Variants in C8orf34 observed in about 807,000 individuals in gnomAD.
C8orf34 encodes uncharacterized protein C8orf34.
C8orf34 carries 65 observed loss-of-function variants against 68.3 expected under a neutral mutation model. The observed-to-expected ratio is 0.95, with a 90% CI of 0.78 to 1.17. C8orf34 has a LOEUF of 1.17. Ranked by LOEUF, C8orf34 falls within the 50% of genes most tolerant of loss-of-function variation. C8orf34 has a pLI of 0.00. For missense variants in C8orf34, 664 were observed against 655.4 expected, an observed-to-expected ratio of 1.01 and a Z score of -0.14; for synonymous variants, 244 against 241.2, an observed-to-expected ratio of 1.01 and a Z score of -0.11.
At chr8:68,374,835 A>C (rs1807723700) in intron 1 of C8orf34, among the ~76,000 whole-genome samples, 1 of 152,222 alleles carries the variant, frequency 6.6e-6, no homozygotes, top group Non-Finnish European at 1.5e-5. Flanking sequence ...TTTTTATTAG[A>C]AGTGTAACAT....
At chr8:68,811,970 G>A (rs183210507) in intron 12 of C8orf34, among the ~76,000 whole-genome samples, 1 of 152,228 alleles carries the variant, frequency 6.6e-6, no homozygotes, top group African/African-American at 2.4e-5. Flanking sequence ...ATCCTTTCAG[G>A]GTGGGAGGGA....
intron 1 of C8orf34, among the ~76,000 whole-genome samples, chr8:68,378,361 T>C (rs1034459928): frequency 6.6e-6 from 1 of 152,098 alleles, no homozygotes; most frequent in Non-Finnish European, 1.5e-5. Context: ...TCACTCCAGA[T>C]TGGAGTGGAG....
At chr8:68,377,392 G>A (rs1807848523) in intron 1 of C8orf34, among the ~76,000 whole-genome samples, 1 of 124,346 alleles carries the variant, frequency 8.0e-6, no homozygotes, top group Non-Finnish European at 1.7e-5. Context: ...GGGAGACCCT[G>A]TCTCAAATTA....
At chr8:68,571,268 C>T (rs1816752428) in intron 7 of C8orf34, among the ~76,000 whole-genome samples, 2 of 152,162 alleles carry the variant, frequency 1.3e-5, no homozygotes, top group African/African-American at 4.8e-5. Flanking sequence ...ATTTGCTGGC[C>T]TGTCTCCTTC....
At chr8:68,510,584 T>C (rs1814223523) in intron 5 of C8orf34, among the ~76,000 whole-genome samples, 1 of 152,178 alleles carries the variant, frequency 6.6e-6, no homozygotes, top group Admixed American at 6.5e-5. Context: ...ATGACAAACG[T>C]ATGATAAGTT....
At chr8:68,367,880 C>T (rs1286218679) in intron 1 of C8orf34, among the ~76,000 whole-genome samples, 1 of 90,014 alleles carries the variant, frequency 1.1e-5, no homozygotes, top group Non-Finnish European at 2.1e-5. Flanking sequence ...GCACATGTAC[C>T]CTAAAACCTA....
chr8:68,374,090 A>T (rs1807684743), intron 1 of C8orf34, among the ~76,000 whole-genome samples: 1 of 152,054 alleles, frequency 6.6e-6, no homozygotes, highest in African/African-American at 2.4e-5. Context: ...TAATCTTTTA[A>T]TTTTTGTAGA....
intron 8 of C8orf34, among the ~76,000 whole-genome samples, chr8:68,668,640 T>G (rs1232586885): frequency 6.6e-6 from 1 of 152,052 alleles, no homozygotes; most frequent in African/African-American, 2.4e-5. Flanking sequence ...TCCCAAAATG[T>G]GTTGTGTTAT....
intron 3 of C8orf34, among the ~76,000 whole-genome samples, chr8:68,449,995 C>T (rs1370100100): frequency 6.6e-6 from 1 of 152,138 alleles, no homozygotes; most frequent in Non-Finnish European, 1.5e-5. Flanking sequence ...TAAACCCTGT[C>T]ACTGCTTTAT....
chr8:68,743,575 C>T (rs530691129), intron 10 of C8orf34, among the ~76,000 whole-genome samples: 215 of 152,302 alleles, frequency 1.4e-3, no homozygotes, highest in African/African-American at 2.6e-3. Flanking sequence ...ACTCGGGAAG[C>T]GCAAGGGGTC....
At chr8:68,413,337 A>T (rs530738629) in intron 1 of C8orf34, among the ~76,000 whole-genome samples, 12 of 152,244 alleles carry the variant, frequency 7.9e-5, no homozygotes, top group South Asian at 2.1e-4. Flanking sequence ...ACTGCAGAGC[A>T]GAAGTATCTT....
chr8:68,463,316 A>G (rs1811939800), intron 3 of C8orf34, among the ~76,000 whole-genome samples: 1 of 152,062 alleles, frequency 6.6e-6, no homozygotes, highest in African/African-American at 2.4e-5. Context: ...ACCAACCAAA[A>G]AGAGTCCAGG....
chr8:68,562,178 G>C (rs1816451579), intron 7 of C8orf34, among the ~76,000 whole-genome samples: 1 of 152,176 alleles, frequency 6.6e-6, no homozygotes, highest in South Asian at 2.1e-4. Flanking sequence ...GTACTGTGTT[G>C]TGGCACAATG....
chr8:68,481,432 G>C (rs1812855395), intron 4 of C8orf34, among the ~76,000 whole-genome samples: 1 of 152,230 alleles, frequency 6.6e-6, no homozygotes, highest in Non-Finnish European at 1.5e-5. Context: ...ACCTAGTGGA[G>C]CTGTGAGAAG....
intron 10 of C8orf34, among the ~76,000 whole-genome samples, chr8:68,734,444 A>G (rs1822068813): frequency 6.6e-6 from 1 of 152,098 alleles, no homozygotes; most frequent in Non-Finnish European, 1.5e-5. Flanking sequence ...AATCAATAAT[A>G]CTTTGGTGGA....
intron 12 of C8orf34, among the ~76,000 whole-genome samples, chr8:68,813,017 T>TTAATCCCAA (rs1554617227): frequency 6.6e-6 from 1 of 152,238 alleles, no homozygotes; most frequent in Non-Finnish European, 1.5e-5. Flanking sequence ...AGAATTCACT[T>TTAATCCCAA]TAATCCCAAC....
intron 13 of C8orf34, among the ~76,000 whole-genome samples, chr8:68,816,732 A>G (rs1422349400): frequency 6.6e-6 from 1 of 152,146 alleles, no homozygotes; most frequent in Admixed American, 6.5e-5. Flanking sequence ...AATTTCTTCA[A>G]TGTACTATGA....
At chr8:68,779,568 T>TG (rs1263000753) in intron 11 of C8orf34, among the ~76,000 whole-genome samples, 1 of 152,156 alleles carries the variant, frequency 6.6e-6, no homozygotes, top group African/African-American at 2.4e-5. Flanking sequence ...ATGTGCCATC[T>TG]GAACCAGAAA....
At chr8:68,812,165 C>A (rs1270472467) in intron 12 of C8orf34, among the ~76,000 whole-genome samples, 1 of 152,100 alleles carries the variant, frequency 6.6e-6, no homozygotes, top group Non-Finnish European at 1.5e-5. Context: ...GTTATATTTA[C>A]AGTGTTCCAA....
Sources: allele counts gnomAD v4.1 joint callset (sites outside exome capture counted in the v4.1 genomes callset), GRCh38; gene constraint gnomAD v4.1.1; transcripts MANE v1.5; gene names NCBI Gene and HGNC (gene_info 2026-07-23, HGNC 2026-07-21).